MGLL: variants seen among roughly 807,000 people sequenced by gnomAD.
The protein encoded by MGLL is lysophospholipase homolog.
MGLL carries 7 observed loss-of-function variants against 29.1 expected under a neutral mutation model. The observed-to-expected ratio is 0.24, with a 90% confidence interval of 0.14 to 0.45. MGLL has a LOEUF of 0.45. MGLL is among the 20% of genes least tolerant of loss of function. The pLI, the probability that MGLL is intolerant of heterozygous loss-of-function variation, is 0.99. For missense variants in MGLL, 356 were observed against 413.6 expected, an observed-to-expected ratio of 0.86 and a Z score of 1.21; for synonymous variants, 148 against 168.3, an observed-to-expected ratio of 0.88 and a Z score of 0.93.
chr3:127,744,114 C>T (rs532823221), intron 3 of MGLL, among the ~76,000 whole-genome samples: 2 of 152,036 alleles, frequency 1.3e-5, no homozygotes, highest in Non-Finnish European at 2.9e-5. Flanking sequence ...AAACACATTT[C>T]GACTCAGAAT....
At chr3:127,746,326 G>GGCCAT (rs2076441821) in intron 3 of MGLL, among the ~76,000 whole-genome samples, 1 of 151,984 alleles carries the variant, frequency 6.6e-6, no homozygotes, top group Non-Finnish European at 1.5e-5. Context: ...GTGGCTCCTG[G>GGCCAT]GCAGGTGGCA....
At chr3:127,744,601 T>C (rs942527677) in intron 3 of MGLL, among the ~76,000 whole-genome samples, 2 of 151,766 alleles carry the variant, frequency 1.3e-5, no homozygotes, top group East Asian at 1.9e-4. Flanking sequence ...AGCTGCAGAG[T>C]GGGGAGAGGC....
chr3:127,747,867 C>A (rs545061467), intron 3 of MGLL, among the ~76,000 whole-genome samples: 37 of 152,326 alleles, frequency 2.4e-4, no homozygotes, highest in Non-Finnish European at 5.1e-4. Flanking sequence ...CCTGAGCCTG[C>A]ACAAACAAGT....
At chr3:127,797,144 A>G (rs1030097383) in intron 2 of MGLL, among the ~76,000 whole-genome samples, 2 of 152,050 alleles carry the variant, frequency 1.3e-5, no homozygotes, top group South Asian at 4.2e-4. Flanking sequence ...TGCCACATAC[A>G]TGACTGTCAC....
intron 1 of MGLL, 120 bp downstream of exon 1, chr3:127,822,189 C>A: frequency 8.7e-7 from 1 of 1,149,396 alleles, no homozygotes; most frequent in Non-Finnish European, 1.3e-6. Flanking sequence ...AAAGACCCAG[C>A]TGCAAGAAGA....
intron 5 of MGLL, among the ~76,000 whole-genome samples, chr3:127,720,741 GT>G (rs1180501182): frequency 2.0e-5 from 3 of 152,222 alleles, no homozygotes. Context: ...CAGGCCTTGA[GT>G]GTGACTTGTT....
rs540392104 is a variant in MGLL, at chr3:127,783,618, T to C, written c.156-1723A>G. On this transcript the variant is annotated intron_variant, in intron 2 of 7. Coordinates refer to ENST00000265052, the MANE Select transcript of MGLL (RefSeq NM_007283.7). ...GGCACCAGTTTGTTTTATGGTGCTT[T>C]CATTTAGCCCCATTTTTCAAATCAC... Among the ~76,000 whole-genome samples, 95 of 152,362 alleles carry C rather than the reference T, an allele frequency of 6.2e-4. 1 individual carries two copies. Among genetic ancestry groups the C allele is most frequent in the African/African-American group, 2.0e-3 (85 of 41,584 alleles).
At chr3:127,774,249 C>T (rs1439543627) in intron 3 of MGLL, among the ~76,000 whole-genome samples, 1 of 152,250 alleles carries the variant, frequency 6.6e-6, no homozygotes, top group Non-Finnish European at 1.5e-5. Flanking sequence ...TCTAGACTCC[C>T]TCTGCCACCC....
At chr3:127,741,400 G>A (rs1045962492) in intron 3 of MGLL, among the ~76,000 whole-genome samples, 3 of 152,226 alleles carry the variant, frequency 2.0e-5, no homozygotes, top group African/African-American at 7.2e-5. Context: ...CAGGCTGGGT[G>A]CTCCCAGGGG....
intron 3 of MGLL, among the ~76,000 whole-genome samples, chr3:127,753,731 C>G (rs1553763754): frequency 6.6e-6 from 1 of 152,176 alleles, no homozygotes; most frequent in Non-Finnish European, 1.5e-5. Flanking sequence ...GCAAGAAGAG[C>G]AGGAGATGTT....
chr3:127,801,487 A>C (rs1052891888), intron 2 of MGLL, among the ~76,000 whole-genome samples: 1 of 148,080 alleles, frequency 6.8e-6, no homozygotes, highest in Non-Finnish European at 1.5e-5. Context: ...CTGGTGGTGC[A>C]TGCCTGTAAT....
chr3:127,735,930 T>G, intron 3 of MGLL: 3 of 1,505,854 alleles, frequency 2.0e-6, no homozygotes, highest in Non-Finnish European at 2.7e-6. Flanking sequence ...GCACCTTCAG[T>G]TAGAATCCTG....
At chr3:127,792,074 C>T (rs780156885) in intron 2 of MGLL, among the ~76,000 whole-genome samples, 1 of 152,094 alleles carries the variant, frequency 6.6e-6, no homozygotes, top group Non-Finnish European at 1.5e-5. Flanking sequence ...TCTCAAAAAA[C>T]AAACGAACAA....
chr3:127,762,275 C>T (rs565613657), intron 3 of MGLL, among the ~76,000 whole-genome samples: 82 of 152,200 alleles, frequency 5.4e-4, no homozygotes, highest in Non-Finnish European at 9.7e-4. Context: ...CCTGCCCTGA[C>T]GGTTGGCAGC....
At chr3:127,780,965 G>A (rs1238409815) in intron 3 of MGLL, among the ~76,000 whole-genome samples, 1 of 152,202 alleles carries the variant, frequency 6.6e-6, no homozygotes, top group Non-Finnish European at 1.5e-5. Flanking sequence ...CATAGAGAAT[G>A]TTGCAAACAT....
chr3:127,747,477 G>A (rs1422124007), intron 3 of MGLL, among the ~76,000 whole-genome samples: 1 of 152,184 alleles, frequency 6.6e-6, no homozygotes, highest in Non-Finnish European at 1.5e-5. Flanking sequence ...GCCTTGTGGT[G>A]TCTTTGTATC....
At position 127,721,077 on chromosome 3, in the gene MGLL, A is replaced by G. The variant is rs768794754; in HGVS notation, c.486T>C (p.Asn162=). ...MVLISPLVLA[N]PESATTFKVL... is the part of the protein sequence containing the mutation. Reference sequence around the variant, plus strand: ...CCTTGAAAGTTGTTGCAGATTCAGGATTGGCAAGAACCAGAGGCGAAATGA... The same window carrying G: ...CCTTGAAAGTTGTTGCAGATTCAGGGTTGGCAAGAACCAGAGGCGAAATGA... The change falls in exon 5 of 8, where the codon AAT becomes AAC. Residue 162 remains asparagine, a synonymous_variant. Transcript: ENST00000265052. The G allele has an allele frequency of 6.2e-7, 1 of 1,614,254 alleles. No homozygotes were observed. Among genetic ancestry groups the G allele is most frequent in the Non-Finnish European group, 8.5e-7 (1 of 1,180,036 alleles).
In MGLL at chr3:127,719,032, T is replaced by C. The variant is rs927728374; in HGVS notation, c.510+2021A>G. 6.6e-5 allele frequency among the ~76,000 whole-genome samples: 10 copies of C among 152,140 alleles called. No individual in the cohort carries two copies. The South Asian group carries it at 1.5e-3, about 22-fold the overall frequency. Reference sequence around the variant, plus strand: ...GGAGGGGAAGCTGGGCCCTCAAGTCTGGGGCAAAGGGAAACCTCATTTGTC... The same window carrying C: ...GGAGGGGAAGCTGGGCCCTCAAGTCCGGGGCAAAGGGAAACCTCATTTGTC... On this transcript the variant is annotated intron_variant, in intron 5 of 7. Transcript: ENST00000265052.
intron 7 of MGLL, among the ~76,000 whole-genome samples, chr3:127,693,461 G>C (rs911811968): frequency 4.6e-5 from 7 of 152,214 alleles, no homozygotes; most frequent in Admixed American, 4.6e-4. Context: ...CCTGCCCCCC[G>C]CCACCAGCGT....
Sources: allele counts gnomAD v4.1 joint callset (sites outside exome capture counted in the v4.1 genomes callset), GRCh38; gene constraint gnomAD v4.1.1; transcripts MANE v1.5; gene names NCBI Gene and HGNC (gene_info 2026-07-23, HGNC 2026-07-21).